Variants in LARGE1 observed in about 807,000 individuals in gnomAD.
LARGE1 encodes LARGE xylosyl- and glucuronyltransferase 1.
Under a neutral mutation model 87.6 loss-of-function variants are expected in LARGE1, and 43 were observed. That is an observed-to-expected ratio of 0.49 (90% CI 0.38 to 0.63). The LOEUF is 0.63. LARGE1 is among the 30% of genes least tolerant of loss of function. LARGE1 has a pLI of 0.00. For missense variants in LARGE1, 802 were observed against 1,000.2 expected (o/e 0.80, Z 2.67); for synonymous variants, 434 against 394.6 (o/e 1.10, Z -1.18).
chr22:33,199,349 AT>A (rs1415300133), intron 11 of LARGE1, among the ~76,000 whole-genome samples: 2 of 151,980 alleles, frequency 1.3e-5, no homozygotes, highest in Non-Finnish European at 2.9e-5. Context: ...TATGCAGAAG[AT>A]TTTTAGTTTA....
intron 9 of LARGE1, among the ~76,000 whole-genome samples, chr22:33,373,323 C>T (rs899753993): frequency 6.6e-6 from 1 of 152,154 alleles, no homozygotes; most frequent in Non-Finnish European, 1.5e-5. Flanking sequence ...ATTTTTAATT[C>T]TGAAATCTGT....
chr22:33,546,918 T>C (rs2077375649), intron 6 of LARGE1, among the ~76,000 whole-genome samples: 2 of 152,218 alleles, frequency 1.3e-5, no homozygotes, highest in South Asian at 2.1e-4. Flanking sequence ...GGTACTGATT[T>C]AGAGATTGAT....
At chr22:33,772,722 G>A (rs1385401453) in intron 1 of LARGE1, among the ~76,000 whole-genome samples, 2 of 151,662 alleles carry the variant, frequency 1.3e-5, no homozygotes, top group East Asian at 3.9e-4. Flanking sequence ...ACAATTATTT[G>A]ATTGATTACT....
intron 6 of LARGE1, among the ~76,000 whole-genome samples, chr22:33,484,093 C>T (rs551128050): frequency 1.3e-5 from 2 of 152,262 alleles, no homozygotes; most frequent in South Asian, 2.1e-4. Flanking sequence ...TCTAAAGCTG[C>T]ACCTCACCAA....
chr22:33,894,899 G>A (rs1014445164), intron 1 of LARGE1, among the ~76,000 whole-genome samples: 2 of 152,198 alleles, frequency 1.3e-5, no homozygotes, highest in African/African-American at 2.4e-5. Context: ...TGTCACATGG[G>A]AGCCAGTCCC....
At chr22:33,712,241 C>G (rs1466637147) in intron 2 of LARGE1, among the ~76,000 whole-genome samples, 2 of 152,112 alleles carry the variant, frequency 1.3e-5, no homozygotes, top group African/African-American at 4.8e-5. Flanking sequence ...CAAATCCTAC[C>G]CGGACAGGGA....
At chr22:33,366,810 CTTTT>C (rs372743462) in intron 9 of LARGE1, among the ~76,000 whole-genome samples, 1 of 151,442 alleles carries the variant, frequency 6.6e-6, no homozygotes, top group South Asian at 2.1e-4. Context: ...GACTAATGCA[CTTTT>C]TTTTTGTCTG....
chr22:33,908,335 G>A (rs1444652649), intron 1 of LARGE1, among the ~76,000 whole-genome samples: 3 of 152,132 alleles, frequency 2.0e-5, no homozygotes, highest in African/African-American at 7.2e-5. Flanking sequence ...AGGTGCAGAT[G>A]CGGTTCAGTG....
chr22:33,697,866 G>T (rs185637934), intron 2 of LARGE1, among the ~76,000 whole-genome samples: 2 of 152,248 alleles, frequency 1.3e-5, no homozygotes, highest in Non-Finnish European at 2.9e-5. Flanking sequence ...GAGTTAAACC[G>T]CTGCTCAGGA....
At chr22:33,102,419 C>T in the LARGE1 span, among the ~76,000 whole-genome samples, 2 of 152,186 alleles carry the variant, frequency 1.3e-5, no homozygotes, top group East Asian at 3.9e-4. Context: ...GACCTGCTCA[C>T]CTCGGCCTCC....
intron 9 of LARGE1, among the ~76,000 whole-genome samples, chr22:33,349,733 A>T (rs1940176594): frequency 6.6e-6 from 1 of 152,132 alleles, no homozygotes; most frequent in African/African-American, 2.4e-5. Flanking sequence ...ATACCAAGAC[A>T]TCTCTTTCAG....
intron 2 of LARGE1, among the ~76,000 whole-genome samples, chr22:33,711,062 CA>C (rs1000706187): frequency 6.6e-6 from 1 of 152,060 alleles, no homozygotes; most frequent in Non-Finnish European, 1.5e-5. Flanking sequence ...CCCAAGCAAG[CA>C]AGAGAGGGCC....
chr22:33,358,492 T>C (rs1439046283), intron 9 of LARGE1, among the ~76,000 whole-genome samples: 1 of 152,206 alleles, frequency 6.6e-6, no homozygotes, highest in African/African-American at 2.4e-5. Flanking sequence ...CTCTAACTAT[T>C]ATAAAATGTT....
chr22:33,325,170 A>T (rs1179462107), intron 10 of LARGE1, among the ~76,000 whole-genome samples: 1 of 152,216 alleles, frequency 6.6e-6, no homozygotes, highest in Non-Finnish European at 1.5e-5. Flanking sequence ...TCTAGTTCTA[A>T]CAGTAAACGA....
intron 10 of LARGE1, among the ~76,000 whole-genome samples, chr22:33,335,285 G>C (rs967705781): frequency 2.6e-5 from 4 of 152,226 alleles, no homozygotes; most frequent in Non-Finnish European, 5.9e-5. Context: ...GAATCTGAAA[G>C]AGTTCCAGTG....
rs1372197058 is a variant in LARGE1 at position 33,283,237 on chromosome 22, C to T, written c.1842G>A (p.Leu614=). The T allele has an allele frequency of 1.2e-6, 2 of 1,614,184 alleles. No individual in the cohort carries two copies. Among genetic ancestry groups the T allele is most frequent in the Non-Finnish European group, 1.7e-6 (2 of 1,180,034 alleles). The part of the protein sequence containing the change: ...LSFPKSKAEL[L]SMLDMGTLFT... ...AGAGGGTCCCCATGTCCAGCATTGA[C>T]AGCAACTCCGCTTTTGACTTGGGGA... Residue 614 remains leucine (L), a synonymous_variant, in exon 13 of 15, where the codon CTG becomes CTA. Coordinates refer to ENST00000397394, the MANE Select transcript of LARGE1 (RefSeq NM_133642.5).
chr22:33,707,534 G>T (rs2082598643), intron 2 of LARGE1, among the ~76,000 whole-genome samples: 1 of 152,220 alleles, frequency 6.6e-6, no homozygotes, highest in South Asian at 2.1e-4. Flanking sequence ...CACGCATCAT[G>T]CTCCCTCCTT....
At chr22:33,185,227 G>T (rs936655362) in intron 11 of LARGE1, among the ~76,000 whole-genome samples, 2 of 152,044 alleles carry the variant, frequency 1.3e-5, no homozygotes, top group African/African-American at 2.4e-5. Context: ...CAGTGACAAA[G>T]ATATAAGCTA....
chr22:33,200,653 C>T (rs1462221763), intron 11 of LARGE1, among the ~76,000 whole-genome samples: 1 of 152,164 alleles, frequency 6.6e-6, no homozygotes, highest in African/African-American at 2.4e-5. Flanking sequence ...CTGGATATAT[C>T]CTACAACCTG....
Sources: allele counts gnomAD v4.1 joint callset (sites outside exome capture counted in the v4.1 genomes callset), GRCh38; gene constraint gnomAD v4.1.1; transcripts MANE v1.5; gene names NCBI Gene and HGNC (gene_info 2026-07-23, HGNC 2026-07-21).